Variants in CD200R1L observed in about 807,000 individuals in gnomAD.
CD200R1L encodes CD200 receptor 1 like.
A neutral mutation model predicts 24.8 loss-of-function variants in CD200R1L; 14 were observed. That is an observed-to-expected ratio of 0.56 (90% CI 0.37 to 0.88). The LOEUF (loss-of-function observed/expected upper bound fraction) is 0.88. Among genes scored for constraint, CD200R1L ranks in the 40% least tolerant of loss-of-function variants. The pLI is 0.00. For synonymous variants in CD200R1L, 111 were observed against 109.2 expected, an observed-to-expected ratio of 1.02 and a Z score of -0.11; for missense variants, 299 against 297.8, an observed-to-expected ratio of 1.00 and a Z score of -0.03.
At chr3:112,833,136 C>G (rs1938852776) in intron 3 of CD200R1L, among the ~76,000 whole-genome samples, 1 of 152,204 alleles carries the variant, frequency 6.6e-6, no homozygotes, top group African/African-American at 2.4e-5. Context: ...TACTTCCTAC[C>G]ACTGAGTAGC....
intron 3 of CD200R1L, among the ~76,000 whole-genome samples, chr3:112,837,219 T>C (rs908767431): frequency 2.6e-5 from 4 of 152,220 alleles, no homozygotes; most frequent in African/African-American, 9.6e-5. Context: ...TGTTAATTGT[T>C]GATTTTCTCC....
At chr3:112,834,038 T>C (rs1938873291) in intron 3 of CD200R1L, among the ~76,000 whole-genome samples, 1 of 152,154 alleles carries the variant, frequency 6.6e-6, no homozygotes. Context: ...GGCATGTGGA[T>C]GCATTCAGAA....
intron 3 of CD200R1L, among the ~76,000 whole-genome samples, chr3:112,833,124 C>T (rs1938852219): frequency 6.6e-6 from 1 of 152,188 alleles, no homozygotes; most frequent in Non-Finnish European, 1.5e-5. Flanking sequence ...ATTATTTAAC[C>T]TTACTTCCTA....
At chr3:112,819,208 G>T (rs1938473416) in intron 7 of CD200R1L, among the ~76,000 whole-genome samples, 1 of 151,974 alleles carries the variant, frequency 6.6e-6, no homozygotes, top group Non-Finnish European at 1.5e-5. Flanking sequence ...CAACACGTGG[G>T]GATTACAATT....
chr3:112,838,202 C>A (rs1021304134), intron 2 of CD200R1L, among the ~76,000 whole-genome samples, 192 bp from the exon 3 acceptor site: 7 of 146,200 alleles, frequency 4.8e-5, no homozygotes, highest in Admixed American at 1.3e-4. Flanking sequence ...TAGATAAATG[C>A]ACGTATGTCA....
At chr3:112,837,861 A>T in intron 3 of CD200R1L, 81 bp downstream of exon 3, 1 of 439,654 alleles carries the variant, frequency 2.3e-6, no homozygotes, top group Non-Finnish European at 3.4e-6. Context: ...AATTGCACAC[A>T]GGACAAATGA....
intron 6 of CD200R1L, among the ~76,000 whole-genome samples, chr3:112,824,736 C>G (rs1938616630): frequency 6.6e-6 from 1 of 152,170 alleles, no homozygotes; most frequent in African/African-American, 2.4e-5. Flanking sequence ...GCCAAGCAGT[C>G]AATTACAGGG....
intron 4 of CD200R1L, among the ~76,000 whole-genome samples, chr3:112,827,974 G>C (rs1465570409): frequency 6.6e-6 from 1 of 152,148 alleles, no homozygotes; most frequent in Non-Finnish European, 1.5e-5. Flanking sequence ...TAGTTCAGGA[G>C]TTTTAATATC....
chr3:112,844,559 A>G (rs1939156666), intron 2 of CD200R1L, among the ~76,000 whole-genome samples: 1 of 152,218 alleles, frequency 6.6e-6, no homozygotes, highest in African/African-American at 2.4e-5. Context: ...ATTAAGAGAA[A>G]AGTTTATAGT....
intron 3 of CD200R1L, among the ~76,000 whole-genome samples, chr3:112,833,070 G>A (rs752060097): frequency 1.1e-4 from 17 of 152,238 alleles, no homozygotes; most frequent in Non-Finnish European, 2.1e-4. Context: ...TAGTAGGCCA[G>A]TGGTCTGGAC....
chr3:112,832,308 C>G (rs1418223595), intron 3 of CD200R1L, among the ~76,000 whole-genome samples: 1 of 152,190 alleles, frequency 6.6e-6, no homozygotes, highest in East Asian at 1.9e-4. Flanking sequence ...TGGTTCATAT[C>G]ACAGTGGACC....
chr3:112,816,922 G>A (rs1198675457), intron 7 of CD200R1L, among the ~76,000 whole-genome samples: 1 of 152,188 alleles, frequency 6.6e-6, no homozygotes, highest in Non-Finnish European at 1.5e-5. Flanking sequence ...CATGTAAGAC[G>A]TAGCTTTACT....
Position 112,825,965 on chromosome 3 carries a change from C to A in CD200R1L, c.616+1028G>T, listed in dbSNP as rs560238904. 3.9e-5 allele frequency among the ~76,000 whole-genome samples: 6 copies of A among 152,206 alleles called. 1 individual carries two copies. The South Asian group carries it at 1.2e-3, about 32-fold the overall frequency. ...TCATGGAAAACACAGCTAACGAATA[C>A]ATGGTTTCCTTTTGGGGGTGATAAA... On this transcript the variant is annotated intron_variant, in intron 6 of 7. Transcript: ENST00000488794.
chr3:112,832,121 C>T (rs1938816142), intron 3 of CD200R1L, among the ~76,000 whole-genome samples: 1 of 152,130 alleles, frequency 6.6e-6, no homozygotes, highest in Admixed American at 6.5e-5. Context: ...CACCAAAGAA[C>T]CTATGACCAT....
chr3:112,825,107 T>C (rs1442451886), intron 6 of CD200R1L, among the ~76,000 whole-genome samples: 1 of 151,662 alleles, frequency 6.6e-6, no homozygotes, highest in Non-Finnish European at 1.5e-5. Context: ...GGCGTGGTGG[T>C]GGGCGCCTGT....
At chr3:112,846,445 C>T (rs1190137470) in intron 1 of CD200R1L, among the ~76,000 whole-genome samples, 180 bp downstream of exon 1, 1 of 152,154 alleles carries the variant, frequency 6.6e-6, no homozygotes, top group Admixed American at 6.5e-5. Context: ...TAAGAACATT[C>T]TTGTTTTGTA....
intron 4 of CD200R1L, 25 bp downstream of exon 4, chr3:112,829,294 G>A: frequency 6.3e-7 from 1 of 1,588,064 alleles, no homozygotes; most frequent in Admixed American, 1.7e-5. Context: ...CCTCAGTGCT[G>A]GCCACTACTA....
At chr3:112,816,900 T>G (rs1400984503) in intron 7 of CD200R1L, among the ~76,000 whole-genome samples, 1 of 152,152 alleles carries the variant, frequency 6.6e-6, no homozygotes, top group African/African-American at 2.4e-5. Context: ...ACACTCTCTC[T>G]TTGCCTGTCA....
chr3:112,837,413 T>C (rs1938974537), intron 3 of CD200R1L, among the ~76,000 whole-genome samples: 1 of 152,166 alleles, frequency 6.6e-6, no homozygotes, highest in South Asian at 2.1e-4. Flanking sequence ...AACTTGACTT[T>C]CCAGGCTCTG....
Sources: gnomAD v4.1 joint callset for allele counts (sites outside exome capture counted in the v4.1 genomes callset) on GRCh38, gnomAD v4.1.1 for gene constraint, MANE v1.5 for transcripts, NCBI Gene and HGNC (gene_info 2026-07-23, HGNC 2026-07-21) for gene names.